FRAS1: variants seen among roughly 807,000 people sequenced by gnomAD.
FRAS1 encodes Fraser extracellular matrix complex subunit 1.
In FRAS1, 290 loss-of-function variants were observed where a neutral mutation model predicts 435.2. The observed-to-expected ratio is 0.67, with a 90% CI of 0.61 to 0.73. The LOEUF is 0.73. Among genes scored for constraint, FRAS1 ranks in the 30% least tolerant of loss-of-function variants. FRAS1 has a pLI of 0.00. For missense variants in FRAS1, 4,860 were observed against 5,001.5 expected (o/e 0.97, Z 0.85); for synonymous variants, 1,800 against 1,851.0 (o/e 0.97, Z 0.71).
At chr4:78,493,099 A>G (rs953444316) in intron 59 of FRAS1, among the ~76,000 whole-genome samples, 1 of 152,230 alleles carries the variant, frequency 6.6e-6, no homozygotes, top group Non-Finnish European at 1.5e-5. Context: ...CAAAACCACA[A>G]TGAGATACCA....
At chr4:78,482,001 A>C (rs370785078) in intron 57 of FRAS1, 37 bp downstream of exon 57, 1 of 1,597,776 alleles carries the variant, frequency 6.3e-7, no homozygotes, top group South Asian at 1.1e-5. Context: ...CAAAGTTGAC[A>C]GGTCGGTTTG....
chr4:78,140,027 T>A (rs1357585914), intron 2 of FRAS1, among the ~76,000 whole-genome samples: 1 of 152,176 alleles, frequency 6.6e-6, no homozygotes, highest in Non-Finnish European at 1.5e-5. Flanking sequence ...TTCCTTTTTA[T>A]TATGGGAAAT....
At chr4:78,286,567 C>A (rs746302135) in intron 14 of FRAS1, 28 bp downstream of exon 14, 2 of 1,606,474 alleles carry the variant, frequency 1.2e-6, no homozygotes, top group Admixed American at 3.3e-5. Flanking sequence ...CACAGTTGGG[C>A]CAGCTACCAA....
At chr4:78,509,946 G>A (rs1179336508) in intron 63 of FRAS1, among the ~76,000 whole-genome samples, 2 of 152,210 alleles carry the variant, frequency 1.3e-5, no homozygotes, top group Non-Finnish European at 2.9e-5. Context: ...TGTAATAAGA[G>A]CTTCACTGGG....
intron 22 of FRAS1, among the ~76,000 whole-genome samples, chr4:78,366,183 C>G (rs953736716): frequency 1.3e-5 from 2 of 152,068 alleles, no homozygotes; most frequent in African/African-American, 4.8e-5. Context: ...GTACTATTAA[C>G]TGAATTAAAA....
chr4:78,455,809 C>T (rs1350375792), intron 47 of FRAS1, among the ~76,000 whole-genome samples: 1 of 152,164 alleles, frequency 6.6e-6, no homozygotes, highest in Non-Finnish European at 1.5e-5. Context: ...CAGGGTTTCC[C>T]TCTATCAGTA....
chr4:78,339,789 TTG>T (rs1404900506), intron 20 of FRAS1, among the ~76,000 whole-genome samples: 1 of 152,216 alleles, frequency 6.6e-6, no homozygotes, highest in Non-Finnish European at 1.5e-5. Context: ...TGACTAGATT[TTG>T]TGAGCAATAG....
intron 2 of FRAS1, among the ~76,000 whole-genome samples, chr4:78,175,149 A>G (rs989496144): frequency 1.3e-5 from 2 of 152,158 alleles, no homozygotes; most frequent in African/African-American, 4.8e-5. Context: ...CTGGCTTCTT[A>G]TCCCATCGCC....
intron 32 of FRAS1, among the ~76,000 whole-genome samples, chr4:78,416,795 T>C (rs1342469969): frequency 6.6e-6 from 1 of 152,186 alleles, no homozygotes; most frequent in Non-Finnish European, 1.5e-5. Flanking sequence ...AGGATCACAC[T>C]GGCTGTTGTG....
At chr4:78,235,652 A>G (rs1321224585) in intron 2 of FRAS1, among the ~76,000 whole-genome samples, 3 of 152,228 alleles carry the variant, frequency 2.0e-5, no homozygotes, top group African/African-American at 7.2e-5. Context: ...AAATGAGTGC[A>G]ATAAAGTGTG....
chr4:78,388,281 C>T (rs143700387), intron 29 of FRAS1, among the ~76,000 whole-genome samples: 3,091 of 149,686 alleles, frequency 0.021, 40 homozygotes, highest in Middle Eastern at 0.031. Context: ...GCCGAGATCG[C>T]GCCACTGCAC....
intron 50 of FRAS1, among the ~76,000 whole-genome samples, chr4:78,469,735 CTTGTTGTTGTTG>C (rs529520900): frequency 2.0e-5 from 3 of 151,798 alleles, no homozygotes; most frequent in African/African-American, 7.3e-5. Context: ...AAGAATGCCA[CTTGTTGTTGTTG>C]TTGTTGTTGT....
At chr4:78,334,363 C>CTTTTTTTTTTTTTTTTTT (rs1007481617) in intron 19 of FRAS1, among the ~76,000 whole-genome samples, 1 of 92,270 alleles carries the variant, frequency 1.1e-5, no homozygotes, top group Non-Finnish European at 2.1e-5. Flanking sequence ...AACCAATTTT[C>CTTTTTTTTTTTTTTTTTT]TTTTTTTTTT....
Position 78,496,836 on chromosome 4 carries a change from A to T in FRAS1, c.8990A>T (p.Asp2997Val). ...AACTGTACGGTCTATATCCACGATG[A>T]CTCCATGTTTGAGCCAGAGGAACAG... ...VKNCTVYIHD[D>V]SMFEPEEQFR... Residue 2997 changes from aspartate to valine, a missense_variant, in exon 60 of 74, where the codon GAC becomes GTC. Asp to Val is a radical substitution (Grantham distance 152). Coordinates refer to ENST00000512123, the MANE Select transcript of FRAS1 (RefSeq NM_025074.7). 1.7e-5 allele frequency: 27 copies of T among 1,613,630 alleles called. No homozygotes were observed. The highest frequency in any genetic ancestry group is 2.3e-5 in the Non-Finnish European group (27 of 1,179,726).
In FRAS1 at chr4:78,542,427, G is replaced by A. The variant is rs1167568461; in HGVS notation, c.*1303G>A. ...GCCTTATTGGCGGAAACATAAGCGT[G>A]CATGCCATGTTGTTTTGAATTGGAG... On this transcript the variant is annotated 3_prime_UTR_variant, in exon 74 of 74. Coordinates refer to ENST00000512123, the MANE Select transcript of FRAS1 (RefSeq NM_025074.7). The A allele has an allele frequency of 6.6e-6, 1 of 152,556 alleles. No homozygotes were observed. Among genetic ancestry groups the A allele is most frequent in the Non-Finnish European group, 1.5e-5 (1 of 68,026 alleles). The allele number at this position is 152,556 out of a possible 1,614,324, so 9.5% of individuals were successfully genotyped here.
chr4:78,234,217 ATT>A (rs932116678), intron 2 of FRAS1, among the ~76,000 whole-genome samples: 9 of 151,198 alleles, frequency 6.0e-5, no homozygotes, highest in African/African-American at 2.2e-4. Flanking sequence ...TTCTTGTTTT[ATT>A]TTATTTATTT....
chr4:78,522,137 G>A (rs957036973), intron 68 of FRAS1, among the ~76,000 whole-genome samples: 2 of 152,030 alleles, frequency 1.3e-5, no homozygotes, highest in Non-Finnish European at 2.9e-5. Context: ...CGCTATTTCA[G>A]TGCAGTTTTA....
intron 2 of FRAS1, among the ~76,000 whole-genome samples, chr4:78,076,179 A>G (rs569650903): frequency 6.6e-6 from 1 of 152,220 alleles, no homozygotes; most frequent in African/African-American, 2.4e-5. Flanking sequence ...CATGTAAGTG[A>G]TCATCTTCTT....
rs747592121 is a variant in FRAS1, at chr4:78,464,155, G to A, written c.6888+10G>A. The A allele has an allele frequency of 1.2e-6, 2 of 1,601,608 alleles. 1 individual carries two copies. The highest frequency in any genetic ancestry group is 2.3e-5 in the South Asian group (2 of 88,876). On this transcript the variant is annotated intron_variant, in intron 48 of 73. Coordinates refer to ENST00000512123, the MANE Select transcript of FRAS1 (RefSeq NM_025074.7). ...TGATGGAGTCAGTGAGGTAGGTGAG[G>A]CACTGAACTCCATCCTTGAAAAGTA...
Sources: gnomAD v4.1 joint callset for allele counts (sites outside exome capture counted in the v4.1 genomes callset) on GRCh38, gnomAD v4.1.1 for gene constraint, MANE v1.5 for transcripts, NCBI Gene and HGNC (gene_info 2026-07-23, HGNC 2026-07-21) for gene names.